Variants in PTX4 observed in about 807,000 individuals in gnomAD.
The protein encoded by PTX4 is pentraxin 4.
In PTX4, 23 loss-of-function variants were observed where a neutral mutation model predicts 19.1. That is an observed-to-expected ratio of 1.20 (90% CI 0.87 to 1.70). The LOEUF (loss-of-function observed/expected upper bound fraction) is 1.70, where lower values mean the gene tolerates loss of function less well. Among genes scored for constraint, PTX4 ranks in the 40% most tolerant of loss-of-function variants. The pLI is 0.00. For synonymous variants in PTX4, 317 were observed against 279.6 expected (o/e 1.13, Z -1.33); for missense variants, 678 against 610.5 (o/e 1.11, Z -1.17).
Position 1,487,936 on chromosome 16 carries a change from A to C in PTX4, c.176T>G (p.Leu59Arg). 1 of 1,596,850 alleles carries C rather than the reference A, an allele frequency of 6.3e-7. No homozygotes were observed. Among genetic ancestry groups the C allele is most frequent in the Middle Eastern group, 1.7e-4 (1 of 5,984 alleles). Residue 59 changes from leucine (L) to arginine (R), a missense_variant, in exon 2 of 3, where the codon CTG (leucine) becomes CGG (arginine). Leu to Arg is a moderately radical substitution (Grantham distance 102, BLOSUM62 -2). Transcript: ENST00000447419. ...GTTGTAGTTGCTGGCGATGTTCTGC[A>C]GGTGTGTCCAGGTCACCTCCTGGAA... ...RRFQEVTWTH[L>R]QNIASNYNVS...
Position 1,487,722 on chromosome 16 carries a change from G to A in PTX4, c.390C>T (p.Gly130=), listed in dbSNP as rs1001133099. ...CCCGGGCCCGCTGCTGGCTCCTCTC[G>A]CCCAGGGTGAGGTCCAAGGCCCGCA... ...TRLRALDLTL[G]ERSQQRARER... is the part of the protein sequence containing the mutation. The change falls in exon 2 of 3, where the codon GGC becomes GGT. Residue 130 remains glycine (G), a synonymous_variant. Coordinates refer to ENST00000447419, the MANE Select transcript of PTX4 (RefSeq NM_001328608.2). 1.2e-5 allele frequency: 20 copies of A among 1,611,926 alleles called. No individual in the cohort carries two copies. The highest frequency in any genetic ancestry group is 1.2e-4 in the African/African-American group (9 of 74,886).
chr16:1,488,395 G>A lies in PTX4; in HGVS notation c.141+374C>T, dbSNP rs765186585. On this transcript the variant is annotated intron_variant, in intron 1 of 2. Coordinates refer to ENST00000447419, the MANE Select transcript of PTX4 (RefSeq NM_001328608.2). ...CTCCGGAACTGTCCGTGGACCCCGCGTGGGAGTCCGGGAGGCCGTTCACAC... is the reference window on the plus strand; with the variant it reads ...CTCCGGAACTGTCCGTGGACCCCGCATGGGAGTCCGGGAGGCCGTTCACAC... The A allele has an allele frequency of 3.4e-5, 55 of 1,613,796 alleles. No individual in the cohort carries two copies. The East Asian group carries it at 7.1e-4, about 21-fold the overall frequency.
Position 1,486,185 on chromosome 16 carries a change from G to A in PTX4, c.1191C>T (p.Pro397=), listed in dbSNP as rs148668779. ...SRFREGYEIP[P]GGSLVLGQEQ... ...CCTGGCCCAGCACGAGGGACCCTCCGGGGGGGATCTCATAGCCCTCCCTGA... is the reference window on the plus strand; with the variant it reads ...CCTGGCCCAGCACGAGGGACCCTCCAGGGGGGATCTCATAGCCCTCCCTGA... The change falls in exon 3 of 3, where the codon CCC becomes CCT. Residue 397 remains proline, a synonymous_variant. Transcript: ENST00000447419. The A allele has an allele frequency of 5.6e-5, 91 of 1,613,428 alleles. No individual in the cohort carries two copies. The Admixed American group carries it at 5.8e-4, about 10-fold the overall frequency.
rs1451288521 is a variant in PTX4 at position 1,487,908 on chromosome 16, C to T, written c.204G>A (p.Val68=). Residue 68 remains valine (V), a synonymous_variant, in exon 2 of 3, where the codon GTG becomes GTA. Transcript: ENST00000447419. ...GGAACCGGACGTCAACGTTGTAGGA[C>T]ACGTTGTAGTTGCTGGCGATGTTCT... ...HLQNIASNYN[V]SYNVDVRFRS... 2 of 1,611,072 alleles carry T rather than the reference C, an allele frequency of 1.2e-6. No individual in the cohort carries two copies. Among genetic ancestry groups the T allele is most frequent in the African/African-American group, 2.7e-5 (2 of 74,874 alleles).
rs570026033 is a variant in PTX4, at chr16:1,488,760, A to G, written c.141+9T>C. On this transcript the variant is annotated intron_variant, in intron 1 of 2. Coordinates refer to ENST00000447419, the MANE Select transcript of PTX4 (RefSeq NM_001328608.2). ...AACCCGACTGCGCCATGTCAGGGGT[A>G]TAACTTGCCTGTTCCTCCAGCCTAC... 1.0e-5 allele frequency: 7 copies of G among 693,818 alleles called. No homozygotes were observed. Among genetic ancestry groups the G allele is most frequent in the Non-Finnish European group, 1.8e-5 (7 of 380,552 alleles). 43.0% of individuals were successfully genotyped at this position (693,818 alleles called of 1,614,324 possible).
intron 1 of PTX4, chr16:1,488,558 T>C (rs2039271866): frequency 8.4e-7 from 1 of 1,183,756 alleles, no homozygotes; most frequent in Non-Finnish European, 1.2e-6. Context: ...CCACATGTTA[T>C]GAGGCTTGTG....
rs953966731 is a variant in PTX4, at chr16:1,486,513, G to C, written c.863C>G (p.Pro288Arg). The C allele has an allele frequency of 1.9e-6, 3 of 1,596,504 alleles. No individual in the cohort carries two copies. In the African/African-American group the frequency reaches 4.1e-5, roughly 22 times the overall value. Reference protein sequence around the residue: ...ASTRNVVFLSPGFVTALRALS... With the variant: ...ASTRNVVFLSRGFVTALRALS... ...GGCTCGCAGGGCAGTGACGAAACCA[G>C]GGCTGAGGAAGACCACGTTCCTGGT... The change falls in exon 3 of 3, where the codon CCT becomes CGT. Residue 288 changes from proline to arginine, a missense_variant. Pro to Arg is a moderately radical substitution (Grantham distance 103). Transcript: ENST00000447419.
At position 1,488,460 on chromosome 16, in the gene PTX4, C is replaced by G. The variant is rs1289162477; in HGVS notation, c.141+309G>C. On this transcript the variant is annotated intron_variant, in intron 1 of 2. Coordinates refer to ENST00000447419, the MANE Select transcript of PTX4 (RefSeq NM_001328608.2). ...TGGACCTGTGACCTCCCAGTTTCCA[C>G]TCCCCATGACACTACCCGGCCCCCA... 1.2e-5 allele frequency: 19 copies of G among 1,613,236 alleles called. No individual in the cohort carries two copies. Among genetic ancestry groups the G allele is most frequent in the Non-Finnish European group, 1.6e-5 (19 of 1,179,566 alleles).
chr16:1,486,477 CAGA>C lies in PTX4; in HGVS notation c.896_898del (p.Phe299del). ...GCCGGAGGCCGTGCGGACCCAGCTGCAGAAGGACAGGGCTCGCAGGGCAGTGAC... is the reference window on the plus strand; with the variant it reads ...GCCGGAGGCCGTGCGGACCCAGCTGCAGGACAGGGCTCGCAGGGCAGTGAC... On this transcript the variant is annotated inframe_deletion, in exon 3 of 3. Coordinates refer to ENST00000447419, the MANE Select transcript of PTX4 (RefSeq NM_001328608.2). The C allele has an allele frequency of 1.2e-6, 2 of 1,613,100 alleles. No individual in the cohort carries two copies. The highest frequency in any genetic ancestry group is 2.2e-5 in the East Asian group (1 of 44,888).
In PTX4 at chr16:1,486,114, A is replaced by G. The variant is rs202161853; in HGVS notation, c.1262T>C (p.Val421Ala). 8.5e-5 allele frequency: 138 copies of G among 1,614,130 alleles called. 3 individuals carry two copies. In the South Asian group the frequency reaches 1.3e-3, roughly 16 times the overall value. The change falls in exon 3 of 3, where the codon GTG (valine) becomes GCG (alanine). Residue 421 changes from valine (V) to alanine (A), a missense_variant. Transcript: ENST00000447419. ...GGGFDSSEAFVGSMSGLAIWD... is the reference protein window; with the variant it reads ...GGGFDSSEAFAGSMSGLAIWD... ...GATAGCCAAGCCAGACATGCTCCCC[A>G]CGAAGGCCTCGGAGCTGTCGAATCC...
chr16:1,488,449 C>G (rs745663189), intron 1 of PTX4: 1 of 1,613,774 alleles, frequency 6.2e-7, no homozygotes, highest in South Asian at 1.1e-5. Flanking sequence ...CCTGTGACCT[C>G]CCAGTTTCCA....
intron 2 of PTX4, among the ~76,000 whole-genome samples, 174 bp downstream of exon 2, chr16:1,487,142 C>G (rs1315471029): frequency 6.6e-6 from 1 of 152,218 alleles, no homozygotes; most frequent in African/African-American, 2.4e-5. Context: ...CCTCCTGCCT[C>G]CCCTTAGAAA....
At chr16:1,487,025 C>T (rs565866763) in intron 2 of PTX4, among the ~76,000 whole-genome samples, 27 of 152,306 alleles carry the variant, frequency 1.8e-4, no homozygotes, top group African/African-American at 5.1e-4. Context: ...AACCATCTCC[C>T]GCCCTTTCCA....
rs1055785625 is a variant in PTX4, at chr16:1,486,068, G to A, written c.1308C>T (p.Pro436=). The change falls in exon 3 of 3, where the codon CCC becomes CCT. Residue 436 remains proline (P), a synonymous_variant. Coordinates refer to ENST00000447419, the MANE Select transcript of PTX4 (RefSeq NM_001328608.2). Reference sequence around the variant, plus strand: ...CGATGGCAAGGTTTGCAACTTCCCCGGGAACCAGCGCCCGATCCCAGATAG... The same window carrying A: ...CGATGGCAAGGTTTGCAACTTCCCCAGGAACCAGCGCCCGATCCCAGATAG... ...GLAIWDRALV[P]GEVANLAIGK... 32 of 1,614,044 alleles carry A rather than the reference G, an allele frequency of 2.0e-5. No homozygotes were observed. The highest frequency in any genetic ancestry group is 5.0e-5 in the Admixed American group (3 of 60,014).
chr16:1,487,957 T>C lies in PTX4; in HGVS notation c.155A>G (p.Gln52Arg). Residue 52 changes from glutamine to arginine, a missense_variant, in exon 2 of 3, where the codon CAG becomes CGG. Transcript: ENST00000447419. ...RRLEEQFRRF[Q>R]EVTWTHLQNI... ...CTGCAGGTGTGTCCAGGTCACCTCC[T>C]GGAATCTCCGGAACTGTAAGGAGGA... 6.3e-7 allele frequency: 1 copy of C among 1,583,732 alleles called. No homozygotes were observed. Among genetic ancestry groups the C allele is most frequent in the Non-Finnish European group, 8.6e-7 (1 of 1,161,088 alleles).
chr16:1,486,019 T>A lies in PTX4; in HGVS notation c.1357A>T (p.Ile453Phe), dbSNP rs1489390639. 3.1e-6 allele frequency: 5 copies of A among 1,613,900 alleles called. No individual in the cohort carries two copies. Among genetic ancestry groups the A allele is most frequent in the Non-Finnish European group, 4.2e-6 (5 of 1,180,020 alleles). ...AGTGCAGCATTGGCCAGCGTCAGGA[T>A]GGCACCTGTCGGGAACTCTTTCCCG... ...AIGKEFPTGA[I>F]LTLANAALAG... is the part of the protein sequence containing the mutation. Residue 453 changes from isoleucine (I) to phenylalanine (F), a missense_variant, in exon 3 of 3, where the codon ATC becomes TTC. Physicochemically the swap from Ile to Phe is conservative, Grantham distance 21 (BLOSUM62 0). Coordinates refer to ENST00000447419, the MANE Select transcript of PTX4 (RefSeq NM_001328608.2).
At chr16:1,488,488 GC>G (rs2039271264) in intron 1 of PTX4, 4 of 1,606,608 alleles carry the variant, frequency 2.5e-6, no homozygotes, top group Admixed American at 1.7e-5. Flanking sequence ...GGCCCCCATG[GC>G]CCCCAGTTCC....
At position 1,486,067 on chromosome 16, in the gene PTX4, C is replaced by CG. The variant is rs926524117; in HGVS notation, c.1308dup (p.Gly437ArgfsTer?). On this transcript the variant is annotated frameshift_variant, in exon 3 of 3. Transcript: ENST00000447419. LOFTEE classifies it low-confidence loss of function (END_TRUNC). ...CCGATGGCAAGGTTTGCAACTTCCCCGGGAACCAGCGCCCGATCCCAGATA... is the reference window on the plus strand; with the variant it reads ...CCGATGGCAAGGTTTGCAACTTCCCCGGGGAACCAGCGCCCGATCCCAGATA... 1.2e-6 allele frequency: 2 copies of CG among 1,614,080 alleles called. No individual in the cohort carries two copies. The highest frequency in any genetic ancestry group is 8.5e-7 in the Non-Finnish European group (1 of 1,180,032).
chr16:1,488,655 G>A (rs1408596732), intron 1 of PTX4, 114 bp downstream of exon 1: 5 of 632,704 alleles, frequency 7.9e-6, no homozygotes, highest in South Asian at 1.9e-5. Flanking sequence ...AGCGTCACAC[G>A]CGGTGTTCGT....
Sources: allele counts gnomAD v4.1 joint callset (sites outside exome capture counted in the v4.1 genomes callset), GRCh38; gene constraint gnomAD v4.1.1; transcripts MANE v1.5; gene names NCBI Gene and HGNC (gene_info 2026-07-23, HGNC 2026-07-21).